Variants in UTP20 observed in about 807,000 individuals in gnomAD.
UTP20 encodes the protein UTP20 small subunit processome component.
Under a neutral mutation model 329.5 loss-of-function variants are expected in UTP20, and 164 were observed. The observed-to-expected ratio is 0.50, with a 90% CI of 0.44 to 0.57. The LOEUF (loss-of-function observed/expected upper bound fraction) is 0.57. Ranked by LOEUF, UTP20 falls within the 20% of genes least tolerant of loss-of-function variation. The probability of loss-of-function intolerance (pLI) is 0.00; values close to 1 mark genes in which losing one functional copy is unlikely to be tolerated. For missense variants in UTP20, 3,055 were observed against 3,284.2 expected (o/e 0.93, Z 1.71); for synonymous variants, 1,151 against 1,159.3 (o/e 0.99, Z 0.14).
chr12:101,338,897 A>C lies in UTP20; in HGVS notation c.3953A>C (p.Glu1318Ala), dbSNP rs1200676766. 6.8e-6 allele frequency: 11 copies of C among 1,611,588 alleles called. No individual in the cohort carries two copies. Among genetic ancestry groups the C allele is most frequent in the Non-Finnish European group, 9.3e-6 (11 of 1,179,440 alleles). The change falls in exon 31 of 62, where the codon GAA (glutamate) becomes GCA (alanine). Residue 1318 changes from glutamate (E) to alanine (A), a missense_variant. Physicochemically the swap from Glu to Ala is moderately radical, Grantham distance 107 (BLOSUM62 -1). Transcript: ENST00000261637. ...CTCAGCAAAACCACAATAAGCGCAGAAAAGGTGAAAAAGAAAAAGAATAGA... is the reference window on the plus strand; with the variant it reads ...CTCAGCAAAACCACAATAAGCGCAGCAAAGGTGAAAAAGAAAAAGAATAGA... The part of the protein sequence containing the change: ...QYLSKTTISA[E>A]KVKKKKNRAQ...
intron 61 of UTP20, 108 bp downstream of exon 61, chr12:101,385,836 T>C: frequency 1.3e-6 from 2 of 1,500,520 alleles, no homozygotes; most frequent in Non-Finnish European, 8.9e-7. Flanking sequence ...TTTGAGCGGT[T>C]GGGGACTTTA....
chr12:101,339,090 A>T lies in UTP20; in HGVS notation c.4013+133A>T, dbSNP rs1593439048. The T allele has an allele frequency of 4.6e-6, 4 of 869,392 alleles. No homozygotes were observed. The East Asian group carries it at 1.6e-4, about 36-fold the overall frequency. 53.9% of individuals were successfully genotyped at this position (869,392 alleles called of 1,614,324 possible). On this transcript the variant is annotated intron_variant, in intron 31 of 61. Transcript: ENST00000261637. Reference sequence around the variant, plus strand: ...CACTTTGGGAGGCTGAGGTGGGTGGATCACCTGAGGTCAGGGGTTCAAGAC... The same window carrying T: ...CACTTTGGGAGGCTGAGGTGGGTGGTTCACCTGAGGTCAGGGGTTCAAGAC...
intron 2 of UTP20, among the ~76,000 whole-genome samples, chr12:101,284,993 A>G (rs181679414): frequency 2.0e-3 from 301 of 152,300 alleles, no homozygotes; most frequent in Non-Finnish European, 3.8e-3. Context: ...TCTTTTTAGT[A>G]GCCACATAAT....
intron 50 of UTP20, 29 bp downstream of exon 50, chr12:101,370,592 A>G (rs755539616): frequency 6.2e-7 from 1 of 1,602,180 alleles, no homozygotes; most frequent in Non-Finnish European, 8.5e-7. Context: ...GTTGACTGTT[A>G]CGGTTTATGA....
rs575636033 is a variant in UTP20, at chr12:101,380,187, G to A, written c.7584+629G>A. On this transcript the variant is annotated intron_variant, in intron 57 of 61. Transcript: ENST00000261637. ...GAGCTCAGGAGTTCGAGACTAGCCT[G>A]GGCAACATGGCGAAAACCTATCTCT... 3.9e-5 allele frequency among the ~76,000 whole-genome samples: 6 copies of A among 152,112 alleles called. No homozygotes were observed. The South Asian group carries it at 1.0e-3, about 26-fold the overall frequency.
At position 101,280,264 on chromosome 12, in the gene UTP20, C is replaced by A; in HGVS notation, c.-19C>A. The A allele has an allele frequency of 6.4e-7, 1 of 1,551,598 alleles. No homozygotes were observed. On this transcript the variant is annotated 5_prime_UTR_variant, in exon 1 of 62. Coordinates refer to ENST00000261637, the MANE Select transcript of UTP20 (RefSeq NM_014503.3). ...TCGACACTCCCGAGGCCGTCGCGGG[C>A]CACTGGCCCTCTGCAGCCATGAAGA... is the stretch of plus-strand genomic sequence containing the variant.
chr12:101,363,562 T>G lies in UTP20; in HGVS notation c.5791-14T>G, dbSNP rs1376687153. On this transcript the variant is annotated splice_polypyrimidine_tract_variant and intron_variant, in intron 44 of 61. Coordinates refer to ENST00000261637, the MANE Select transcript of UTP20 (RefSeq NM_014503.3). ...GAGTGCATATAATTGCCATTTGTCC[T>G]TTTTCTTCCAAAGATTTTTAACCAT... 1 of 1,605,612 alleles carries G rather than the reference T, an allele frequency of 6.2e-7. No individual in the cohort carries two copies. Among genetic ancestry groups the G allele is most frequent in the Non-Finnish European group, 8.5e-7 (1 of 1,175,976 alleles).
intron 12 of UTP20, among the ~76,000 whole-genome samples, chr12:101,297,020 T>C (rs1355668643): frequency 6.6e-6 from 1 of 152,096 alleles, no homozygotes; most frequent in Non-Finnish European, 1.5e-5. Flanking sequence ...TTGGAGTAGT[T>C]AGACCCGTTG....
In UTP20 at chr12:101,381,304, G is replaced by A. The variant is rs1870638535; in HGVS notation, c.7656+93G>A. The stretch of plus-strand genomic sequence containing the variant: ...CCCAGCACTTTGAGAGGCCGAGGCG[G>A]CCAGATCACCCCGAGGTCAGGAGTT... On this transcript the variant is annotated intron_variant, in intron 58 of 61. Transcript: ENST00000261637. 4 of 1,088,232 alleles carry A rather than the reference G, an allele frequency of 3.7e-6. No homozygotes were observed. In the South Asian group the frequency reaches 3.9e-5, roughly 10 times the overall value. 67.4% of individuals were successfully genotyped at this position (1,088,232 alleles called of 1,614,324 possible).
chr12:101,290,609 C>A (rs1872111016), intron 7 of UTP20, 124 bp from the exon 8 acceptor site: 9 of 1,070,888 alleles, frequency 8.4e-6, no homozygotes, highest in Non-Finnish European at 1.2e-5. Context: ...ATCAAAGTTG[C>A]CATATCCTTG....
Position 101,286,496 on chromosome 12 carries a change from T to C in UTP20, c.502T>C (p.Ser168Pro). 6.2e-7 allele frequency: 1 copy of C among 1,610,328 alleles called. No homozygotes were observed. The change falls in exon 5 of 62, where the codon TCC becomes CCC. Residue 168 changes from serine (S) to proline (P), a missense_variant. Ser to Pro is a moderately conservative substitution (Grantham distance 74, BLOSUM62 -1). Coordinates refer to ENST00000261637, the MANE Select transcript of UTP20 (RefSeq NM_014503.3). The part of the protein sequence containing the change: ...YLWRLMVKDM[S>P]SIYSMYSTLL... Reference sequence around the variant, plus strand: ...GTGGAGACTGATGGTGAAGGACATGTCCAGTATATACAGGTAACCCCTTTC... The same window carrying C: ...GTGGAGACTGATGGTGAAGGACATGCCCAGTATATACAGGTAACCCCTTTC...
intron 38 of UTP20, among the ~76,000 whole-genome samples, chr12:101,349,409 TTTTTC>T (rs924103982): frequency 2.4e-4 from 36 of 151,382 alleles, no homozygotes; most frequent in African/African-American, 8.0e-4. Context: ...ATTTTCTTTT[TTTTTC>T]TTTCTTTTTT....
chr12:101,305,934 T>A lies in UTP20; in HGVS notation c.1801T>A (p.Ser601Thr). The A allele has an allele frequency of 6.2e-7, 1 of 1,608,098 alleles. No individual in the cohort carries two copies. Among genetic ancestry groups the A allele is most frequent in the Non-Finnish European group, 8.5e-7 (1 of 1,176,538 alleles). ...NLVLTFPLEPSVLLLTDLYYQ... is the reference protein window; with the variant it reads ...NLVLTFPLEPTVLLLTDLYYQ... ...TTGCAGAACCTTTCCCCTGGAGCCA[T>A]CTGTGTTGCTGTTGACTGATCTCTA... Residue 601 changes from serine (S) to threonine (T), a missense_variant, in exon 16 of 62, where the codon TCT becomes ACT. By Grantham distance (58) the Ser-to-Thr change is moderately conservative (BLOSUM62 1). Transcript: ENST00000261637.
intron 58 of UTP20, among the ~76,000 whole-genome samples, chr12:101,381,743 G>A (rs1376031694): frequency 1.3e-5 from 2 of 152,078 alleles, no homozygotes; most frequent in Non-Finnish European, 1.5e-5. Context: ...AAGGGTCTGG[G>A]TGCGGTGACT....
rs1868676895 is a variant in UTP20 at position 101,329,354 on chromosome 12, A to G, written c.3322A>G (p.Ile1108Val). ...LNSLEIVLKN[I>V]SHLISAYLPK... ...CAGCCTTGAGATAGTATTGAAAAAC[A>G]TTAGTCATCTGATCAGCGCATACCT... Residue 1108 changes from isoleucine (I) to valine (V), a missense_variant, in exon 27 of 62, where the codon ATT becomes GTT. Around this residue, in one of 3 missense-constraint regions of UTP20, gnomAD observed 2,445 missense variants for 2,575.5 expected, o/e 0.95. Transcript: ENST00000261637. The G allele has an allele frequency of 1.9e-6, 3 of 1,614,170 alleles. No homozygotes were observed. Among genetic ancestry groups the G allele is most frequent in the Non-Finnish European group, 2.5e-6 (3 of 1,180,026 alleles).
intron 31 of UTP20, among the ~76,000 whole-genome samples, chr12:101,339,182 G>A (rs562184152): frequency 1.7e-3 from 252 of 152,144 alleles, no homozygotes; most frequent in Non-Finnish European, 3.3e-3. Flanking sequence ...GCGTGGTGGT[G>A]GACACCTGTA....
At chr12:101,368,068 G>C in intron 48 of UTP20, 92 bp downstream of exon 48, 1 of 906,808 alleles carries the variant, frequency 1.1e-6, no homozygotes. Context: ...TTGGGCTCAA[G>C]CTTTATGAGA....
Position 101,354,903 on chromosome 12 carries a change from G to A in UTP20, c.5179G>A (p.Glu1727Lys). The change falls in exon 41 of 62, where the codon GAA becomes AAA. Residue 1727 changes from glutamate (E) to lysine (K), a missense_variant. Coordinates refer to ENST00000261637, the MANE Select transcript of UTP20 (RefSeq NM_014503.3). ...AGAGCGTGTGGATGAGGAAGAGAAG[G>A]AATATACATGCAAGAGTTTGTCAGA... is the stretch of plus-strand genomic sequence containing the variant. ...ELERVDEEEKEYTCKSLSDNG... is the reference protein window; with the variant it reads ...ELERVDEEEKKYTCKSLSDNG... The A allele has an allele frequency of 1.9e-6, 3 of 1,614,132 alleles. No homozygotes were observed. Among genetic ancestry groups the A allele is most frequent in the Non-Finnish European group, 2.5e-6 (3 of 1,180,026 alleles).
rs530759248 is a variant in UTP20, at chr12:101,354,743, A to C, written c.5108-89A>C. The C allele has an allele frequency of 7.2e-6, 10 of 1,382,190 alleles. No homozygotes were observed. The Admixed American group carries it at 1.3e-4, about 18-fold the overall frequency. 85.6% of individuals were successfully genotyped at this position (1,382,190 alleles called of 1,614,324 possible). A position where few individuals can be genotyped will look rare whatever the true frequency, so the allele number is the denominator to read the frequency against. On this transcript the variant is annotated intron_variant, in intron 40 of 61. Transcript: ENST00000261637. ...TGCTGATTAGATATTTTTTATCGGA[A>C]GTTGGACGTTGGTGGGAAAAACTGC... is the stretch of plus-strand genomic sequence containing the variant.
Sources: allele counts gnomAD v4.1 joint callset (sites outside exome capture counted in the v4.1 genomes callset), GRCh38; gene constraint gnomAD v4.1.1; regional missense constraint gnomAD v4.1.1; transcripts MANE v1.5; gene names NCBI Gene and HGNC (gene_info 2026-07-23, HGNC 2026-07-21).